Variants in L3MBTL4 observed in about 807,000 individuals in gnomAD.
L3MBTL4 encodes L3MBTL histone methyl-lysine binding protein 4, also known as lethal(3)malignant brain tumor-like protein 4.
Under a neutral mutation model 84.5 loss-of-function variants are expected in L3MBTL4, and 70 were observed. That is an observed-to-expected ratio of 0.83 (90% CI 0.68 to 1.01). The LOEUF is 1.01. L3MBTL4 is among the 50% of genes least tolerant of loss of function. The pLI, the probability that L3MBTL4 is intolerant of heterozygous loss-of-function variation, is 0.00. For synonymous variants in L3MBTL4, 274 were observed against 259.8 expected (o/e 1.05, Z -0.52); for missense variants, 715 against 754.8 (o/e 0.95, Z 0.62).
chr18:6,152,268 C>T (rs1313646057), intron 13 of L3MBTL4, among the ~76,000 whole-genome samples: 1 of 152,064 alleles, frequency 6.6e-6, no homozygotes, highest in Admixed American at 6.5e-5. Flanking sequence ...TGCTGGATCT[C>T]ATGGTAGTTC....
At chr18:6,281,558 C>T (rs2049322876) in intron 4 of L3MBTL4, among the ~76,000 whole-genome samples, 1 of 152,190 alleles carries the variant, frequency 6.6e-6, no homozygotes, top group Non-Finnish European at 1.5e-5. Flanking sequence ...GGACCAATTA[C>T]CCTAATAAGC....
intron 4 of L3MBTL4, among the ~76,000 whole-genome samples, chr18:6,291,738 T>C (rs1247964048): frequency 2.0e-5 from 3 of 152,170 alleles, no homozygotes; most frequent in Admixed American, 2.0e-4. Context: ...CCTGAAACTA[T>C]GAAGCTACTA....
intron 1 of L3MBTL4, among the ~76,000 whole-genome samples, chr18:6,410,004 A>T (rs1395374775): frequency 6.6e-6 from 1 of 151,858 alleles, no homozygotes; most frequent in Non-Finnish European, 1.5e-5. Flanking sequence ...ACTTCTACCC[A>T]CTTCCATGCC....
At chr18:6,140,124 C>G (rs1410204287) in intron 13 of L3MBTL4, among the ~76,000 whole-genome samples, 1 of 152,194 alleles carries the variant, frequency 6.6e-6, no homozygotes, top group Non-Finnish European at 1.5e-5. Context: ...CACCTGACCA[C>G]AAAATCGTAT....
At chr18:6,052,085 T>C (rs191706230) in intron 16 of L3MBTL4, among the ~76,000 whole-genome samples, 4 of 152,330 alleles carry the variant, frequency 2.6e-5, no homozygotes, top group African/African-American at 7.2e-5. Context: ...ACTTTAGAAA[T>C]GGGTTTTTTG....
At chr18:6,120,703 C>T (rs1375557640) in intron 14 of L3MBTL4, among the ~76,000 whole-genome samples, 1 of 152,096 alleles carries the variant, frequency 6.6e-6, no homozygotes, top group African/African-American at 2.4e-5. Context: ...TGCTTTTGTA[C>T]CTTATATGAA....
chr18:6,198,238 T>G (rs1599114105), intron 12 of L3MBTL4, among the ~76,000 whole-genome samples: 1 of 152,200 alleles, frequency 6.6e-6, no homozygotes, highest in South Asian at 2.1e-4. Flanking sequence ...AACCACTCAC[T>G]CTCAACAGTA....
intron 14 of L3MBTL4, among the ~76,000 whole-genome samples, chr18:6,120,972 C>T (rs1455818323): frequency 6.6e-6 from 1 of 152,128 alleles, no homozygotes; most frequent in South Asian, 2.1e-4. Context: ...ACTTCTTGGA[C>T]ATATGACTAG....
At chr18:6,125,173 AGGAGGAAAGGAAGGAAGGAAG>A (rs1164686689) in intron 14 of L3MBTL4, among the ~76,000 whole-genome samples, 2 of 145,750 alleles carry the variant, frequency 1.4e-5, no homozygotes, top group African/African-American at 5.0e-5. Context: ...TGCGGAAGGA[AGGAGGAAAGGAAGGAAGGAAG>A]GGAGGGGAGG....
chr18:6,146,786 A>C (rs1166259272), intron 13 of L3MBTL4, among the ~76,000 whole-genome samples: 3 of 152,134 alleles, frequency 2.0e-5, no homozygotes, highest in African/African-American at 4.8e-5. Flanking sequence ...TAATGTAGGG[A>C]GGGGTTTAAA....
intron 16 of L3MBTL4, among the ~76,000 whole-genome samples, chr18:5,998,864 C>T (rs1367339682): frequency 2.6e-5 from 4 of 152,202 alleles, no homozygotes; most frequent in Non-Finnish European, 4.4e-5. Flanking sequence ...CTGGGATAGT[C>T]TCTGCCTTCA....
chr18:6,291,962 G>A (rs1167514252), intron 4 of L3MBTL4, among the ~76,000 whole-genome samples: 1 of 151,340 alleles, frequency 6.6e-6, no homozygotes, highest in African/African-American at 2.4e-5. Flanking sequence ...TGACAAATAT[G>A]TAAGGAGCTC....
chr18:6,053,379 C>T (rs2056901386), intron 16 of L3MBTL4, among the ~76,000 whole-genome samples: 1 of 152,054 alleles, frequency 6.6e-6, no homozygotes, highest in Non-Finnish European at 1.5e-5. Context: ...GTTGCTGGTA[C>T]CAAAATGGAG....
chr18:6,258,449 G>A (rs1403766020), intron 5 of L3MBTL4, among the ~76,000 whole-genome samples: 1 of 152,178 alleles, frequency 6.6e-6, no homozygotes, highest in Non-Finnish European at 1.5e-5. Context: ...TAGCAGGGAG[G>A]CAACGGACTG....
intron 1 of L3MBTL4, among the ~76,000 whole-genome samples, chr18:6,379,305 T>G (rs2054502244): frequency 6.6e-6 from 1 of 152,164 alleles, no homozygotes; most frequent in Non-Finnish European, 1.5e-5. Flanking sequence ...TGAATAGCCT[T>G]TATTTCTTTC....
chr18:6,251,686 T>G (rs1430259937), intron 5 of L3MBTL4, among the ~76,000 whole-genome samples: 1 of 152,192 alleles, frequency 6.6e-6, no homozygotes, highest in Non-Finnish European at 1.5e-5. Flanking sequence ...TTTTAACTTT[T>G]TATTTCATAA....
At position 6,093,451 on chromosome 18, in the gene L3MBTL4, T is replaced by G. The variant is rs1444631449; in HGVS notation, c.1277A>C (p.Gln426Pro). ...TGAAGAGTCTGATTCCAAATTTGCC[T>G]GTGTTTGTTCTCTCAAACGATCGTG... ...TLHDRLREQT[Q>P]ANLESDSSHS... Residue 426 changes from glutamine (Q) to proline (P), a missense_variant, in exon 15 of 19, where the codon CAG becomes CCG. Physicochemically the swap from Gln to Pro is moderately conservative, Grantham distance 76. Transcript: ENST00000317931. The G allele has an allele frequency of 1.9e-6, 3 of 1,613,990 alleles. No homozygotes were observed. In the Admixed American group the frequency reaches 5.0e-5, roughly 27 times the overall value.
At chr18:6,037,173 C>CA (rs35280260) in intron 16 of L3MBTL4, among the ~76,000 whole-genome samples, 16,378 of 152,154 alleles carry the variant, frequency 0.11, 1,127 homozygotes, top group Non-Finnish European at 0.16. Flanking sequence ...CCTTTTTGCC[C>CA]ACCCTTGCTC....
intron 14 of L3MBTL4, among the ~76,000 whole-genome samples, chr18:6,107,379 G>C (rs1319292516): frequency 6.6e-6 from 1 of 152,108 alleles, no homozygotes; most frequent in East Asian, 1.9e-4. Context: ...GTTGGCTCTC[G>C]AATTGGGAAA....
Sources: gnomAD v4.1 joint callset for allele counts (sites outside exome capture counted in the v4.1 genomes callset) on GRCh38, gnomAD v4.1.1 for gene constraint, MANE v1.5 for transcripts, NCBI Gene and HGNC (gene_info 2026-07-23, HGNC 2026-07-21) for gene names.